Variants in MGAT4C observed in about 807,000 individuals in gnomAD.
MGAT4C encodes the protein MGAT4 family member C.
In MGAT4C, 19 loss-of-function variants were observed where a neutral mutation model predicts 40.1. That is an observed-to-expected ratio of 0.47 (90% CI 0.33 to 0.70). MGAT4C has a LOEUF of 0.70. Ranked by LOEUF, MGAT4C falls within the 30% of genes least tolerant of loss-of-function variation. The pLI is 0.02. For synonymous variants in MGAT4C, 181 were observed against 187.1 expected, an observed-to-expected ratio of 0.97 and a Z score of 0.27; for missense variants, 491 against 563.2, an observed-to-expected ratio of 0.87 and a Z score of 1.30.
chr12:86,075,090 G>A (rs1869422629), intron 1 of MGAT4C, among the ~76,000 whole-genome samples: 1 of 152,072 alleles, frequency 6.6e-6, no homozygotes, highest in African/African-American at 2.4e-5. Context: ...ACAGTCCAAA[G>A]TCTTATCTGA....
chr12:86,336,726 C>T (rs1954799428), intron 3 of MGAT4C, among the ~76,000 whole-genome samples: 1 of 151,986 alleles, frequency 6.6e-6, no homozygotes, highest in African/African-American at 2.4e-5. Flanking sequence ...ATAAACATTA[C>T]AGTATGAAGA....
At chr12:85,998,059 G>T (rs533156553) in intron 2 of MGAT4C, among the ~76,000 whole-genome samples, 1 of 152,316 alleles carries the variant, frequency 6.6e-6, no homozygotes, top group South Asian at 2.1e-4. Flanking sequence ...TGAAATCTAT[G>T]CAGAGGTTCC....
At chr12:86,445,020 A>G (rs1366923972) in intron 2 of MGAT4C, among the ~76,000 whole-genome samples, 3 of 152,212 alleles carry the variant, frequency 2.0e-5, no homozygotes, top group Admixed American at 2.0e-4. Flanking sequence ...CCTGGGAACC[A>G]GAAAGGTGGG....
chr12:86,268,714 C>CATAT (rs1952856234), intron 4 of MGAT4C, among the ~76,000 whole-genome samples: 1 of 144,094 alleles, frequency 6.9e-6, no homozygotes, highest in Non-Finnish European at 1.5e-5. Context: ...TATATATATA[C>CATAT]ACATACACAC....
intron 3 of MGAT4C, among the ~76,000 whole-genome samples, chr12:86,339,229 A>G (rs1293707205): frequency 6.6e-6 from 1 of 152,168 alleles, no homozygotes; most frequent in Non-Finnish European, 1.5e-5. Flanking sequence ...CTGCCTCCAG[A>G]GTCTGTGCAT....
Position 86,272,294 on chromosome 12 carries a change from A to G in MGAT4C, c.-57+61771T>C, listed in dbSNP as rs181223313. 3.3e-5 allele frequency among the ~76,000 whole-genome samples: 5 copies of G among 152,246 alleles called. No individual in the cohort carries two copies. The East Asian group carries it at 9.7e-4, about 29-fold the overall frequency. ...CCACATATTGTCTATTTATCCTTAGATGGACATTTGGATTGTTTCCATGTT... is the reference window on the plus strand; with the variant it reads ...CCACATATTGTCTATTTATCCTTAGGTGGACATTTGGATTGTTTCCATGTT... On this transcript the variant is annotated intron_variant, in intron 4 of 7. Transcript: ENST00000548651.
intron 1 of MGAT4C, among the ~76,000 whole-genome samples, chr12:86,241,580 G>A (rs1452418535): frequency 1.3e-5 from 2 of 151,996 alleles, no homozygotes; most frequent in Non-Finnish European, 2.9e-5. Flanking sequence ...CATTTTTGTA[G>A]ATTGGGTCAT....
At chr12:86,434,172 C>T (rs1164419295) in intron 3 of MGAT4C, among the ~76,000 whole-genome samples, 2 of 151,918 alleles carry the variant, frequency 1.3e-5, no homozygotes. Flanking sequence ...AGAATAAAAT[C>T]TGAATCATAC....
Position 85,970,021 on chromosome 12 carries a change from A to G in MGAT4C, c.*9268T>C, listed in dbSNP as rs185140281. The G allele has an allele frequency of 2.0e-4, 31 of 151,346 alleles. No individual in the cohort carries two copies. The highest frequency in any genetic ancestry group is 7.2e-4 in the African/African-American group (30 of 41,454). The allele number at this position is 151,346 out of a possible 1,614,324, so 9.4% of individuals were successfully genotyped here. On this transcript the variant is annotated 3_prime_UTR_variant, in exon 5 of 5. Transcript: ENST00000611864. ...CTGTAAATTAGAAGTTATTTGTTAT[A>G]TTTGTTTCGTTTCCTTATTGCCCTA... is the stretch of plus-strand genomic sequence containing the variant.
chr12:86,184,859 T>G (rs892016463), intron 1 of MGAT4C, among the ~76,000 whole-genome samples: 5 of 151,418 alleles, frequency 3.3e-5, no homozygotes, highest in African/African-American at 1.2e-4. Flanking sequence ...GTATATATAA[T>G]CAAGCTGAAC....
Position 85,980,167 on chromosome 12 carries a change from T to G in MGAT4C, c.559A>C (p.Arg187=). ...EYYPILDGLK[R]NYNDPEDRVK... is the part of the protein sequence containing the mutation. ...CTATCTTCTGGATCATTGTAATTTC[T>G]TTTAAGGCCATCTAGGATTGGGTAA... The change falls in exon 5 of 5, where the codon AGA becomes CGA. Residue 187 remains arginine, a synonymous_variant. Coordinates refer to ENST00000611864, the MANE Select transcript of MGAT4C (RefSeq NM_001351288.2). The G allele has an allele frequency of 6.2e-7, 1 of 1,614,004 alleles. No individual in the cohort carries two copies. The highest frequency in any genetic ancestry group is 8.5e-7 in the Non-Finnish European group (1 of 1,179,904).
chr12:86,629,775 A>C (rs916890556), intron 2 of MGAT4C, among the ~76,000 whole-genome samples: 1 of 152,100 alleles, frequency 6.6e-6, no homozygotes, highest in Non-Finnish European at 1.5e-5. Flanking sequence ...GAAATTTACA[A>C]CACTAAATGC....
chr12:86,748,447 G>GTAC (rs1284899142), intron 1 of MGAT4C, among the ~76,000 whole-genome samples: 1 of 151,684 alleles, frequency 6.6e-6, no homozygotes, highest in African/African-American at 2.4e-5. Context: ...TTTGGCTCAT[G>GTAC]TACCTAACAT....
intron 3 of MGAT4C, among the ~76,000 whole-genome samples, chr12:86,418,798 A>G (rs1359728183): frequency 6.6e-6 from 1 of 152,186 alleles, no homozygotes; most frequent in East Asian, 1.9e-4. Context: ...TAGAAGGAAG[A>G]AAGAGTATTA....
intron 1 of MGAT4C, among the ~76,000 whole-genome samples, chr12:86,767,373 T>G (rs1483705707): frequency 6.6e-6 from 1 of 152,124 alleles, no homozygotes; most frequent in Non-Finnish European, 1.5e-5. Context: ...CAATAATCAA[T>G]AGCTTACCAA....
intron 2 of MGAT4C, among the ~76,000 whole-genome samples, chr12:86,618,893 A>G (rs995491404): frequency 6.6e-6 from 1 of 152,152 alleles, no homozygotes. Flanking sequence ...TGACTTGATC[A>G]TTACACTTTC....
intron 2 of MGAT4C, among the ~76,000 whole-genome samples, chr12:86,592,336 G>A (rs944675323): frequency 6.6e-6 from 1 of 152,004 alleles, no homozygotes; most frequent in African/African-American, 2.4e-5. Context: ...TTTTGAACAC[G>A]TCATTTGGCC....
intron 2 of MGAT4C, among the ~76,000 whole-genome samples, chr12:86,509,335 T>C (rs1047411613): frequency 6.6e-6 from 1 of 152,156 alleles, no homozygotes; most frequent in Non-Finnish European, 1.5e-5. Context: ...CCCCATTGCT[T>C]GTTTTTCTCA....
chr12:86,545,521 T>C (rs1253981321), intron 2 of MGAT4C, among the ~76,000 whole-genome samples: 5 of 151,858 alleles, frequency 3.3e-5, no homozygotes, highest in Admixed American at 3.3e-4. Context: ...CCAGATTAGA[T>C]GACAAGCAAT....
Sources: allele counts gnomAD v4.1 joint callset (sites outside exome capture counted in the v4.1 genomes callset), GRCh38; gene constraint gnomAD v4.1.1; transcripts MANE v1.5; gene names NCBI Gene and HGNC (gene_info 2026-07-23, HGNC 2026-07-21).